Variants in GPHN observed in about 807,000 individuals in gnomAD.
The protein encoded by GPHN is gephyrin.
In GPHN, 17 loss-of-function variants were observed where a neutral mutation model predicts 95.5. The ratio of observed to expected loss-of-function variants is 0.18; its 90% CI spans 0.12 to 0.27. GPHN has a LOEUF of 0.27. Among genes scored for constraint, GPHN ranks in the 10% least tolerant of loss-of-function variants. The pLI is 1.00. For synonymous variants in GPHN, 320 were observed against 322.5 expected, an observed-to-expected ratio of 0.99 and a Z score of 0.08; for missense variants, 660 against 978.1, an observed-to-expected ratio of 0.67 and a Z score of 4.34.
At chr14:67,702,668 C>T in the GPHN span, among the ~76,000 whole-genome samples, 7 of 152,096 alleles carry the variant, frequency 4.6e-5, no homozygotes, top group African/African-American at 1.4e-4. Flanking sequence ...ACTTGGAAAA[C>T]CTTTGGGCTT....
the GPHN span, chr14:67,727,404 A>G: frequency 5.5e-6 from 3 of 544,588 alleles, no homozygotes; most frequent in Non-Finnish European, 1.0e-5. Flanking sequence ...GTTACCTTGT[A>G]TTTGTGTCAC....
chr14:67,306,012 C>T, the GPHN span, among the ~76,000 whole-genome samples: 1 of 152,178 alleles, frequency 6.6e-6, no homozygotes, highest in Non-Finnish European at 1.5e-5. Flanking sequence ...TCACTCTTGT[C>T]ACCGAGGCAA....
the GPHN span, among the ~76,000 whole-genome samples, chr14:67,627,256 G>GATATATATATATATAT: frequency 6.1e-3 from 811 of 133,578 alleles, 8 homozygotes; most frequent in Middle Eastern, 0.016. Context: ...TCAGTAAGGA[G>GATATATATATATATAT]ATATATATAT....
intron 1 of GPHN, among the ~76,000 whole-genome samples, chr14:66,651,823 A>T (rs912291581): frequency 6.6e-6 from 1 of 151,866 alleles, no homozygotes; most frequent in Non-Finnish European, 1.5e-5. Flanking sequence ...GGGCGTCACT[A>T]TCTCCCATCA....
chr14:67,560,937 G>A, the GPHN span, among the ~76,000 whole-genome samples: 1 of 152,034 alleles, frequency 6.6e-6, no homozygotes, highest in Non-Finnish European at 1.5e-5. Context: ...CGTTATGTTG[G>A]CCAGGCTAGT....
At chr14:67,161,643 C>T (rs2081988353) in intron 19 of GPHN, among the ~76,000 whole-genome samples, 1 of 152,042 alleles carries the variant, frequency 6.6e-6, no homozygotes, top group African/African-American at 2.4e-5. Flanking sequence ...TGCCTGTAGT[C>T]CCAGCTACTT....
At chr14:67,203,262 TCTC>T in the GPHN span, 3 of 1,602,476 alleles carry the variant, frequency 1.9e-6, no homozygotes, top group Non-Finnish European at 2.6e-6. Context: ...TCTCCTGACA[TCTC>T]CTCCTGCAGA....
At chr14:66,915,693 G>T (rs927867815) in intron 5 of GPHN, among the ~76,000 whole-genome samples, 3 of 152,116 alleles carry the variant, frequency 2.0e-5, no homozygotes, top group African/African-American at 4.8e-5. Flanking sequence ...TTAAACAATT[G>T]TATAAAATAT....
chr14:67,572,106 C>A, the GPHN span: 1 of 1,592,966 alleles, frequency 6.3e-7, no homozygotes, highest in East Asian at 2.3e-5. Context: ...GTGTGGGACC[C>A]GGGCCTTGAC....
chr14:67,602,769 T>C, the GPHN span, among the ~76,000 whole-genome samples: 1 of 152,258 alleles, frequency 6.6e-6, no homozygotes, highest in Non-Finnish European at 1.5e-5. Flanking sequence ...CAATAATTGT[T>C]TCAAAATGTC....
rs1451188695 is a variant in GPHN at position 66,722,965 on chromosome 14, T to G, written c.143+41780T>G. 1.3e-5 allele frequency among the ~76,000 whole-genome samples: 2 copies of G among 152,334 alleles called. 1 individual carries two copies. The highest frequency in any genetic ancestry group is 4.1e-4 in the South Asian group (2 of 4,824). ...AGGACAAAGTGACACTCTTTTTCCC[T>G]TAACAAACCCACATCCTTCATTCTT... is the stretch of plus-strand genomic sequence containing the variant. On this transcript the variant is annotated intron_variant, in intron 2 of 22. Coordinates refer to ENST00000478722, the MANE Select transcript of GPHN (RefSeq NM_020806.5).
At chr14:67,315,434 G>A in the GPHN span, among the ~76,000 whole-genome samples, 3 of 151,616 alleles carry the variant, frequency 2.0e-5, no homozygotes, top group South Asian at 2.1e-4. Flanking sequence ...CCACCACCAC[G>A]CCCAGCTGAT....
the GPHN span, among the ~76,000 whole-genome samples, chr14:67,395,978 G>A: frequency 5.9e-5 from 9 of 152,166 alleles, no homozygotes; most frequent in East Asian, 1.9e-4. Flanking sequence ...GTGGACTCCC[G>A]GGCACATTAG....
the GPHN span, among the ~76,000 whole-genome samples, chr14:67,694,489 CAT>C: frequency 8.0e-4 from 116 of 144,166 alleles, 1 homozygote; most frequent in East Asian, 0.012. Flanking sequence ...CACACACACA[CAT>C]ATATATATAT....
chr14:67,360,317 G>C, the GPHN span: 1 of 398,350 alleles, frequency 2.5e-6, no homozygotes, highest in Non-Finnish European at 4.4e-6. Flanking sequence ...GCGCATGCGA[G>C]GAGGTTCCGC....
At chr14:67,284,574 A>AC in the GPHN span, among the ~76,000 whole-genome samples, 8 of 144,914 alleles carry the variant, frequency 5.5e-5, no homozygotes, top group African/African-American at 2.0e-4. Flanking sequence ...AAAAAAAAAA[A>AC]AAAAAAAAAA....
At chr14:66,801,126 T>G (rs900592322) in intron 3 of GPHN, among the ~76,000 whole-genome samples, 1 of 152,228 alleles carries the variant, frequency 6.6e-6, no homozygotes, top group African/African-American at 2.4e-5. Flanking sequence ...TTCTTGAGTT[T>G]ATTCAACACA....
At chr14:67,646,158 A>G in the GPHN span, among the ~76,000 whole-genome samples, 4 of 152,172 alleles carry the variant, frequency 2.6e-5, no homozygotes, top group African/African-American at 7.2e-5. Context: ...TTCAGAATAT[A>G]TGGGAGTCCA....
the GPHN span, among the ~76,000 whole-genome samples, chr14:67,288,964 C>CTTT: frequency 9.3e-6 from 1 of 107,076 alleles, no homozygotes; most frequent in Non-Finnish European, 2.0e-5. Flanking sequence ...TCTTTATTTC[C>CTTT]TTTTTTTTTT....
Sources: allele counts gnomAD v4.1 joint callset (sites outside exome capture counted in the v4.1 genomes callset), GRCh38; gene constraint gnomAD v4.1.1; transcripts MANE v1.5; gene names NCBI Gene and HGNC (gene_info 2026-07-23, HGNC 2026-07-21).